The following MEGF10 variants were observed in gnomAD, a reference collection of about 807,000 sequenced individuals.
MEGF10 encodes multiple epidermal growth factor-like domains protein 10.
A neutral mutation model predicts 147.5 loss-of-function variants in MEGF10; 86 were observed. The ratio of observed to expected loss-of-function variants is 0.58; its 90% CI spans 0.49 to 0.70. The LOEUF is 0.70. Among genes scored for constraint, MEGF10 ranks in the 30% least tolerant of loss-of-function variants. MEGF10 has a pLI of 0.00. For missense variants in MEGF10, 1,329 were observed against 1,487.3 expected, an observed-to-expected ratio of 0.89 and a Z score of 1.75; for synonymous variants, 478 against 525.5, an observed-to-expected ratio of 0.91 and a Z score of 1.24.
chr5:127,378,155 C>G (rs1056022647), intron 5 of MEGF10, among the ~76,000 whole-genome samples: 1 of 152,166 alleles, frequency 6.6e-6, no homozygotes, highest in Non-Finnish European at 1.5e-5. Context: ...ATTGCTATCC[C>G]CCTAACTGCT....
At chr5:127,271,140 T>C in the MEGF10 span, among the ~76,000 whole-genome samples, 1 of 152,208 alleles carries the variant, frequency 6.6e-6, no homozygotes, top group Non-Finnish European at 1.5e-5. Flanking sequence ...ATTACCACAC[T>C]ATCTTCCACA....
At chr5:127,320,348 G>A (rs1433903420) in intron 1 of MEGF10, among the ~76,000 whole-genome samples, 1 of 152,132 alleles carries the variant, frequency 6.6e-6, no homozygotes, top group African/African-American at 2.4e-5. Flanking sequence ...AGATAATTAT[G>A]GATGATGTGA....
intron 14 of MEGF10, among the ~76,000 whole-genome samples, 188 bp downstream of exon 14, chr5:127,433,697 C>T (rs1765465086): frequency 1.3e-5 from 2 of 152,340 alleles, no homozygotes; most frequent in Middle Eastern, 6.8e-3. Context: ...TTCCAGCCTT[C>T]AGAACTAACC....
the MEGF10 span, among the ~76,000 whole-genome samples, chr5:127,267,734 T>C: frequency 6.6e-6 from 1 of 152,224 alleles, no homozygotes. Context: ...TACTCTCTGA[T>C]GGTAGTTTGT....
At chr5:127,237,828 C>T in the MEGF10 span, among the ~76,000 whole-genome samples, 3 of 151,996 alleles carry the variant, frequency 2.0e-5, no homozygotes, top group Non-Finnish European at 2.9e-5. Context: ...TCCCTGCTCC[C>T]TTCCTCTATT....
intron 1 of MEGF10, among the ~76,000 whole-genome samples, chr5:127,320,013 G>A (rs1177069675): frequency 2.0e-5 from 3 of 152,158 alleles, no homozygotes; most frequent in Non-Finnish European, 4.4e-5. Flanking sequence ...TAAAATTAGA[G>A]TGTTGGACCA....
In MEGF10 at chr5:127,345,742, GTTATATCAATAAGTTCT is replaced by G. The variant is rs572191997; in HGVS notation, c.319+5117_319+5133del. Among the ~76,000 whole-genome samples the G allele has an allele frequency of 1.2e-4, 19 of 152,192 alleles. No homozygotes were observed. In the East Asian group the frequency reaches 3.5e-3, roughly 28 times the overall value. On this transcript the variant is annotated intron_variant, in intron 4 of 24. Coordinates refer to ENST00000503335, the MANE Select transcript of MEGF10 (RefSeq NM_001256545.2). Reference sequence around the variant, plus strand: ...TTTTTTAAGGAACAGGTAGTGTTTGGTTATATCAATAAGTTCTTTATTGGCGAATTCTGAGATTTTGG... The same window carrying G: ...TTTTTTAAGGAACAGGTAGTGTTTGGTTATTGGCGAATTCTGAGATTTTGG...
the MEGF10 span, among the ~76,000 whole-genome samples, chr5:127,258,811 A>G: frequency 6.6e-6 from 1 of 152,174 alleles, no homozygotes; most frequent in Admixed American, 6.5e-5. Flanking sequence ...GGCAGCTTGC[A>G]GTTTACAGGT....
Position 127,420,320 on chromosome 5 carries a change from C to T in MEGF10, c.1590+113C>T, listed in dbSNP as rs192825920. 2.0e-4 allele frequency: 230 copies of T among 1,152,366 alleles called. 2 individuals are homozygous for T. In the Admixed American group the frequency reaches 2.3e-3, roughly 11 times the overall value. 71.4% of individuals were successfully genotyped at this position (1,152,366 alleles called of 1,614,324 possible). On this transcript the variant is annotated intron_variant, in intron 12 of 24. Coordinates refer to ENST00000503335, the MANE Select transcript of MEGF10 (RefSeq NM_001256545.2). Reference sequence around the variant, plus strand: ...AAGTGGCTCACTGTGAACCCAACTTCGGTAACTACTGGAAGAATCCAGGTA... The same window carrying T: ...AAGTGGCTCACTGTGAACCCAACTTTGGTAACTACTGGAAGAATCCAGGTA...
At chr5:127,443,236 T>C (rs1189994569) in intron 19 of MEGF10, 110 bp downstream of exon 19, 1 of 1,167,088 alleles carries the variant, frequency 8.6e-7, no homozygotes, top group Non-Finnish European at 1.1e-6. Context: ...TCACCACAAC[T>C]CTAAATGGCA....
intron 22 of MEGF10, 22 bp downstream of exon 22, chr5:127,449,244 C>G: frequency 6.2e-7 from 1 of 1,612,356 alleles, no homozygotes; most frequent in East Asian, 2.2e-5. Context: ...CAACGCACGT[C>G]CCCAGAAGCA....
chr5:127,424,800 C>A (rs1420519200), intron 13 of MEGF10: 1 of 155,388 alleles, frequency 6.4e-6, no homozygotes, highest in African/African-American at 2.4e-5. Context: ...TTCAGCTTGG[C>A]TCTTCATCCC....
intron 5 of MEGF10, among the ~76,000 whole-genome samples, chr5:127,387,030 A>G (rs961676032): frequency 6.6e-6 from 1 of 152,256 alleles, no homozygotes; most frequent in Non-Finnish European, 1.5e-5. Flanking sequence ...CAATGTAAAG[A>G]GGCTACAGTC....
chr5:127,277,954 C>T, the MEGF10 span, among the ~76,000 whole-genome samples: 1 of 152,248 alleles, frequency 6.6e-6, no homozygotes, highest in Admixed American at 6.5e-5. Flanking sequence ...TTGAGATGCA[C>T]ATCTGTGAAC....
chr5:127,233,284 C>T, the MEGF10 span, among the ~76,000 whole-genome samples: 1 of 152,164 alleles, frequency 6.6e-6, no homozygotes, highest in Non-Finnish European at 1.5e-5. Flanking sequence ...ACACAGGCCC[C>T]TTGATGATTG....
Position 127,447,049 on chromosome 5 carries a change from T to C in MEGF10, c.2729-508T>C, listed in dbSNP as rs1050974864. Among the ~76,000 whole-genome samples the C allele has an allele frequency of 1.1e-4, 16 of 152,322 alleles. 3 individuals carry two copies. Among genetic ancestry groups the C allele is most frequent in the Admixed American group, 9.8e-4 (15 of 15,298 alleles). The stretch of plus-strand genomic sequence containing the variant: ...ATTTGTTCACAAGCTTTCATACTTT[T>C]CCAAGGAGGCAGTTAGGAAGGTAGA... On this transcript the variant is annotated intron_variant, in intron 20 of 24. Coordinates refer to ENST00000503335, the MANE Select transcript of MEGF10 (RefSeq NM_001256545.2).
intron 1 of MEGF10, among the ~76,000 whole-genome samples, chr5:127,311,261 T>C (rs1212015855): frequency 6.6e-6 from 1 of 152,332 alleles, no homozygotes; most frequent in Non-Finnish European, 1.5e-5. Context: ...TATTGCTTAG[T>C]ATAAAAAAGC....
chr5:127,455,723 GTATTTTATTT>G lies in MEGF10; in HGVS notation c.3232+135_3232+144del, dbSNP rs58939267. 1.2e-4 allele frequency: 90 copies of G among 768,008 alleles called. 3 individuals carry two copies. The highest frequency in any genetic ancestry group is 8.7e-4 in the African/African-American group (45 of 51,816). The allele number at this position is 768,008 out of a possible 1,614,324, so 47.6% of individuals were successfully genotyped here. A position where few individuals can be genotyped will look rare whatever the true frequency, so the allele number is the denominator to read the frequency against. ...GAAATCTTATTGAAAATAATGGTCCGTATTTTATTTTATTTTATTTTATTTTATGTATTTT... is the reference window on the plus strand; with the variant it reads ...GAAATCTTATTGAAAATAATGGTCCGTATTTTATTTTATTTTATGTATTTT... On this transcript the variant is annotated intron_variant, in intron 24 of 24. Coordinates refer to ENST00000503335, the MANE Select transcript of MEGF10 (RefSeq NM_001256545.2).
At chr5:127,401,660 T>A (rs1288910528) in intron 7 of MEGF10, among the ~76,000 whole-genome samples, 9 of 152,182 alleles carry the variant, frequency 5.9e-5, no homozygotes, top group African/African-American at 7.2e-5. Flanking sequence ...ATTTGGGATA[T>A]GTTGTTTGTC....
Sources: allele counts gnomAD v4.1 joint callset (sites outside exome capture counted in the v4.1 genomes callset), GRCh38; gene constraint gnomAD v4.1.1; transcripts MANE v1.5; gene names NCBI Gene and HGNC (gene_info 2026-07-23, HGNC 2026-07-21).